Variants in IRAG2 observed in about 807,000 individuals in gnomAD.
IRAG2 encodes the protein lymphoid restricted membrane protein.
Under a neutral mutation model 69.9 loss-of-function variants are expected in IRAG2, and 45 were observed. The observed-to-expected ratio is 0.64, with a 90% CI of 0.51 to 0.83. IRAG2 has a LOEUF of 0.83. IRAG2 is among the 40% of genes least tolerant of loss of function. The pLI is 0.00. For missense variants in IRAG2, 520 were observed against 587.0 expected (o/e 0.89, Z 1.18); for synonymous variants, 193 against 202.4 (o/e 0.95, Z 0.40).
At position 25,107,972 on chromosome 12, in the gene IRAG2, C is replaced by T; in HGVS notation, c.1412C>T (p.Pro471Leu). 1.2e-6 allele frequency: 2 copies of T among 1,614,156 alleles called. No homozygotes were observed. Among genetic ancestry groups the T allele is most frequent in the Non-Finnish European group, 8.5e-7 (1 of 1,180,034 alleles). Reference sequence around the variant, plus strand: ...TTCCAGAAGTCTGTGGATGCCGCTCCCACACAGCAAGAGGACTCATGGACG... The same window carrying T: ...TTCCAGAAGTCTGTGGATGCCGCTCTCACACAGCAAGAGGACTCATGGACG... ...QLFQKSVDAAPTQQEDSWTSL... is the reference protein window; with the variant it reads ...QLFQKSVDAALTQQEDSWTSL... The change falls in exon 22 of 22, where the codon CCC becomes CTC. Residue 471 changes from proline to leucine, a missense_variant. Coordinates refer to ENST00000556887, the MANE Select transcript of IRAG2 (RefSeq NM_001366544.2).
chr12:25,042,902 T>C (rs1944762051), intron 16 of IRAG2, among the ~76,000 whole-genome samples: 1 of 151,966 alleles, frequency 6.6e-6, no homozygotes, highest in Admixed American at 6.6e-5. Context: ...TGATGGTCCT[T>C]AAAGTCCTTT....
At chr12:25,040,642 T>C (rs1264601609) in intron 16 of IRAG2, among the ~76,000 whole-genome samples, 8 of 152,220 alleles carry the variant, frequency 5.3e-5, no homozygotes, top group Admixed American at 4.6e-4. Context: ...GGCTATTTAC[T>C]GAGGAAGAGA....
At chr12:25,074,937 C>G (rs1304099588) in intron 6 of IRAG2, among the ~76,000 whole-genome samples, 2 of 152,136 alleles carry the variant, frequency 1.3e-5, no homozygotes, top group African/African-American at 2.4e-5. Flanking sequence ...TCCTGTTCTT[C>G]CAAGTTGTAT....
At chr12:25,018,113 C>T (rs1860402671) in intron 6 of IRAG2, among the ~76,000 whole-genome samples, 1 of 151,688 alleles carries the variant, frequency 6.6e-6, no homozygotes, top group African/African-American at 2.4e-5. Context: ...TGGAGTGTTT[C>T]CACTCTTTGG....
intron 16 of IRAG2, among the ~76,000 whole-genome samples, chr12:25,039,499 C>A (rs1441709877): frequency 6.6e-6 from 1 of 152,200 alleles, no homozygotes; most frequent in Non-Finnish European, 1.5e-5. Flanking sequence ...GGCGTGATCT[C>A]TGCTCACTGC....
At chr12:25,044,577 G>GA (rs1944777157) in intron 16 of IRAG2, among the ~76,000 whole-genome samples, 1 of 152,010 alleles carries the variant, frequency 6.6e-6, no homozygotes, top group African/African-American at 2.4e-5. Flanking sequence ...GTGAAGAGAT[G>GA]AAAAAAGATA....
At chr12:25,048,034 T>C (rs114737274), upstream of IRAG2, among the ~76,000 whole-genome samples, 3,541 of 152,308 alleles carry the variant, frequency 0.023, 54 homozygotes, top group East Asian at 0.092. Context: ...TTTGAGGAAT[T>C]ACCACACTGC....
chr12:25,015,836 G>T (rs1307716223), intron 5 of IRAG2, among the ~76,000 whole-genome samples: 1 of 152,196 alleles, frequency 6.6e-6, no homozygotes, highest in Admixed American at 6.5e-5. Flanking sequence ...TAAGTTTTGG[G>T]TATTAAGGAG....
intron 7 of IRAG2, chr12:25,021,098 TTTTTTTC>T (rs1323301220): frequency 2.1e-5 from 7 of 332,400 alleles, no homozygotes; most frequent in Admixed American, 1.5e-4. Flanking sequence ...TTTCTTTTTT[TTTTTTTC>T]TTTTTTTCTT....
intron 9 of IRAG2, among the ~76,000 whole-genome samples, chr12:25,082,901 A>G (rs1181109592): frequency 6.6e-6 from 1 of 152,258 alleles, no homozygotes; most frequent in Non-Finnish European, 1.5e-5. Flanking sequence ...GTACATAAAA[A>G]TAAACAGAAA....
chr12:25,030,935 T>G, intron 10 of IRAG2: 1 of 762,376 alleles, frequency 1.3e-6, no homozygotes, highest in Non-Finnish European at 1.6e-6. Context: ...TGAAACCCAA[T>G]TTGATTGATT....
chr12:25,052,755 C>A lies in IRAG2; in HGVS notation c.-648C>A, dbSNP rs1358773570. ...AGCACTCCATTGCTTTCTTTCCTGG[C>A]CACACTGCTACAATCCAGCACTAAC... is the stretch of plus-strand genomic sequence containing the variant. On this transcript the variant is annotated 5_prime_UTR_variant, in exon 1 of 22. Transcript: ENST00000556887. The A allele has an allele frequency of 2.5e-6, 1 of 398,480 alleles. No homozygotes were observed. The highest frequency in any genetic ancestry group is 3.6e-5 in the East Asian group (1 of 28,084). 24.7% of individuals were successfully genotyped at this position (398,480 alleles called of 1,614,324 possible).
intron 3 of IRAG2, among the ~76,000 whole-genome samples, chr12:25,013,866 C>CTT (rs71063386): frequency 0.13 from 10,046 of 79,760 alleles, 2,302 homozygotes; most frequent in Middle Eastern, 0.18. Flanking sequence ...TTTTCTTTTT[C>CTT]TTTTTTTTTT....
chr12:25,026,691 T>G (rs1323147951), intron 8 of IRAG2: 2 of 472,574 alleles, frequency 4.2e-6, no homozygotes, highest in Non-Finnish European at 6.8e-6. Flanking sequence ...AAGGCAATAC[T>G]GAGAGTGATG....
intron 2 of IRAG2, chr12:25,005,456 T>C: frequency 2.2e-6 from 1 of 461,310 alleles, no homozygotes; most frequent in Non-Finnish European, 3.5e-6. Context: ...TGGGTCTCAT[T>C]GTCTGCGTCT....
intron 20 of IRAG2, among the ~76,000 whole-genome samples, chr12:25,106,327 C>T (rs1949105977): frequency 6.9e-6 from 1 of 145,482 alleles, no homozygotes; most frequent in Non-Finnish European, 1.5e-5. Flanking sequence ...ATATACAAAA[C>T]ATATATACAA....
At chr12:25,007,785 G>C (rs899529334) in intron 2 of IRAG2, among the ~76,000 whole-genome samples, 1 of 152,166 alleles carries the variant, frequency 6.6e-6, no homozygotes, top group African/African-American at 2.4e-5. Flanking sequence ...GCTTCCCAAA[G>C]TGTTGGGATT....
rs546748250 is a variant in IRAG2 at position 25,104,165 on chromosome 12, A to G, written c.1046+107A>G. 4 of 982,720 alleles carry G rather than the reference A, an allele frequency of 4.1e-6. No homozygotes were observed. In the East Asian group the frequency reaches 7.7e-5, roughly 19 times the overall value. The allele number at this position is 982,720 out of a possible 1,614,324, so 60.9% of individuals were successfully genotyped here. Reference sequence around the variant, plus strand: ...GATATAGTAATGTTTGATTTGTACAAAGTGTAAACAGAATAATTATATAAA... The same window carrying G: ...GATATAGTAATGTTTGATTTGTACAGAGTGTAAACAGAATAATTATATAAA... On this transcript the variant is annotated intron_variant, in intron 19 of 21. Transcript: ENST00000556887.
At chr12:25,050,537 AAACAAAC>A, upstream of IRAG2, among the ~76,000 whole-genome samples, 1 of 14,456 alleles carries the variant, frequency 6.9e-5, no homozygotes, top group Non-Finnish European at 3.2e-4. Flanking sequence ...CAAAAAAAAC[AAACAAAC>A]AAACAAACAA....
Sources: allele counts gnomAD v4.1 joint callset (sites outside exome capture counted in the v4.1 genomes callset), GRCh38; gene constraint gnomAD v4.1.1; transcripts MANE v1.5; gene names NCBI Gene and HGNC (gene_info 2026-07-23, HGNC 2026-07-21).